Variants in PBX3 observed in about 807,000 individuals in gnomAD.
The protein encoded by PBX3 is pre-B-cell leukemia transcription factor 3.
Under a neutral mutation model 48.5 loss-of-function variants are expected in PBX3, and 14 were observed. That is an observed-to-expected ratio of 0.29 (90% CI 0.19 to 0.45). The LOEUF (loss-of-function observed/expected upper bound fraction) is 0.45, where lower values mean the gene tolerates loss of function less well. PBX3 is among the 20% of genes least tolerant of loss of function. The pLI is 1.00. For missense variants in PBX3, 386 were observed against 546.7 expected (o/e 0.71, Z 2.93); for synonymous variants, 210 against 200.3 (o/e 1.05, Z -0.41).
chr9:125,905,005 CT>C (rs539372427), intron 2 of PBX3, among the ~76,000 whole-genome samples: 1 of 151,866 alleles, frequency 6.6e-6, no homozygotes, highest in South Asian at 2.1e-4. Flanking sequence ...AATCAGGTCT[CT>C]TTAGGTAATT....
At chr9:125,827,920 ATT>A (rs936253052) in intron 2 of PBX3, among the ~76,000 whole-genome samples, 27 of 152,270 alleles carry the variant, frequency 1.8e-4, no homozygotes, top group African/African-American at 6.3e-4. Context: ...ACCAATTTAT[ATT>A]GCTACCAGTA....
intron 2 of PBX3, among the ~76,000 whole-genome samples, chr9:125,911,861 A>G: frequency 6.6e-6 from 1 of 152,300 alleles, no homozygotes; most frequent in South Asian, 2.1e-4. Flanking sequence ...TGTGATGACA[A>G]CTTTTATCAT....
chr9:125,942,289 G>T (rs1841973195), intron 5 of PBX3, among the ~76,000 whole-genome samples: 1 of 152,128 alleles, frequency 6.6e-6, no homozygotes, highest in African/African-American at 2.4e-5. Context: ...TTCATCCCCA[G>T]GGCCCAGGCT....
At chr9:125,910,878 A>T (rs537314402) in intron 2 of PBX3, among the ~76,000 whole-genome samples, 46 of 152,074 alleles carry the variant, frequency 3.0e-4, no homozygotes, top group African/African-American at 1.1e-3. Context: ...CTTTAGACCT[A>T]AGGAGGAGAG....
intron 5 of PBX3, among the ~76,000 whole-genome samples, chr9:125,954,122 C>T (rs900009653): frequency 4.6e-5 from 7 of 152,184 alleles, no homozygotes; most frequent in African/African-American, 1.7e-4. Context: ...AAGTATGAGA[C>T]CCTCTTGGGT....
Position 125,935,540 on chromosome 9 carries a change from G to A in PBX3, c.776G>A (p.Ser259Asn). ...AATGAATATTTTTACTCACACCTCA[G>A]CAACCCCTACCCCAGTGAAGAAGCC... is the stretch of plus-strand genomic sequence containing the variant. ...ILNEYFYSHL[S>N]NPYPSEEAKE... The change falls in exon 5 of 9, where the codon AGC becomes AAC. Residue 259 changes from serine to asparagine, a missense_variant. By Grantham distance (46) the Ser-to-Asn change is conservative. Transcript: ENST00000373489. 3 of 1,613,800 alleles carry A rather than the reference G, an allele frequency of 1.9e-6. No individual in the cohort carries two copies. The highest frequency in any genetic ancestry group is 2.5e-6 in the Non-Finnish European group (3 of 1,179,812).
chr9:125,962,001 C>A, intron 6 of PBX3, 101 bp from the exon 7 acceptor site: 1 of 626,262 alleles, frequency 1.6e-6, no homozygotes, highest in Non-Finnish European at 2.9e-6. Flanking sequence ...TTGTGCACAG[C>A]CTTTCCCTTC....
intron 2 of PBX3, among the ~76,000 whole-genome samples, chr9:125,890,574 C>T (rs995111190): frequency 1.3e-5 from 2 of 152,178 alleles, no homozygotes; most frequent in Non-Finnish European, 2.9e-5. Context: ...CCACTGCCTT[C>T]CCCCATCCCA....
chr9:125,847,962 A>G (rs760686269), intron 2 of PBX3, among the ~76,000 whole-genome samples: 29 of 152,016 alleles, frequency 1.9e-4, no homozygotes, highest in Non-Finnish European at 3.5e-4. Context: ...AGGGTCTGGC[A>G]CAGAGCAACA....
intron 2 of PBX3, among the ~76,000 whole-genome samples, chr9:125,838,466 T>G (rs1839200885): frequency 6.6e-6 from 1 of 152,236 alleles, no homozygotes; most frequent in African/African-American, 2.4e-5. Flanking sequence ...TTGTAATTAC[T>G]CAGCTTTTAG....
At chr9:125,926,392 T>A (rs1362832163) in intron 3 of PBX3, among the ~76,000 whole-genome samples, 3 of 151,854 alleles carry the variant, frequency 2.0e-5, no homozygotes, top group Admixed American at 1.3e-4. Context: ...CAGTGGCATA[T>A]GCCTGTAATC....
At chr9:125,881,743 C>G (rs1397406432) in intron 2 of PBX3, among the ~76,000 whole-genome samples, 1 of 151,998 alleles carries the variant, frequency 6.6e-6, no homozygotes, top group Non-Finnish European at 1.5e-5. Flanking sequence ...GTCTTGGCCT[C>G]CCAAAGCCAA....
At chr9:125,962,973 A>T in intron 7 of PBX3, 39 bp from the exon 8 acceptor site, 1 of 1,137,998 alleles carries the variant, frequency 8.8e-7, no homozygotes, top group Non-Finnish European at 1.3e-6. Flanking sequence ...ACGTTTTAAT[A>T]GATTTGGGAT....
At chr9:125,839,916 T>C (rs1214222020) in intron 2 of PBX3, among the ~76,000 whole-genome samples, 1 of 152,180 alleles carries the variant, frequency 6.6e-6, no homozygotes, top group African/African-American at 2.4e-5. Flanking sequence ...TCTTAAATTC[T>C]TAGTATAAAG....
chr9:125,912,812 C>T (rs1841233599), intron 2 of PBX3, among the ~76,000 whole-genome samples: 2 of 151,844 alleles, frequency 1.3e-5, no homozygotes, highest in African/African-American at 4.8e-5. Flanking sequence ...TTTTGATAAC[C>T]ACACAGTCTG....
At chr9:125,797,271 C>T (rs989843264) in intron 2 of PBX3, 9 of 152,094 alleles carry the variant, frequency 5.9e-5, no homozygotes, top group African/African-American at 2.2e-4. Context: ...AAGAAGTTTT[C>T]AGTAAAATTT....
chr9:125,794,846 A>G (rs941413035), intron 2 of PBX3, among the ~76,000 whole-genome samples: 1 of 152,102 alleles, frequency 6.6e-6, no homozygotes, highest in African/African-American at 2.4e-5. Flanking sequence ...GTACACCAAG[A>G]GAAGACTTCA....
At chr9:125,798,318 A>G (rs1479755878) in intron 2 of PBX3, among the ~76,000 whole-genome samples, 1 of 152,070 alleles carries the variant, frequency 6.6e-6, no homozygotes, top group Non-Finnish European at 1.5e-5. Flanking sequence ...TTTGTCTATA[A>G]TTACACACAA....
chr9:125,798,473 T>A (rs1837847044), intron 2 of PBX3, among the ~76,000 whole-genome samples: 1 of 150,836 alleles, frequency 6.6e-6, no homozygotes, highest in South Asian at 2.1e-4. Context: ...TTTCTTCTCT[T>A]CCTCTTATCC....
Sources: gnomAD v4.1 joint callset for allele counts (sites outside exome capture counted in the v4.1 genomes callset) on GRCh38, gnomAD v4.1.1 for gene constraint, MANE v1.5 for transcripts, NCBI Gene and HGNC (gene_info 2026-07-23, HGNC 2026-07-21) for gene names.